The following GATA4 variants were observed in gnomAD, a reference collection of about 807,000 sequenced individuals.
GATA4 encodes GATA binding protein 4.
Under a neutral mutation model 37.9 loss-of-function variants are expected in GATA4, and 7 were observed. That is an observed-to-expected ratio of 0.18 (90% CI 0.11 to 0.35). The LOEUF (loss-of-function observed/expected upper bound fraction) is 0.35, where lower values mean the gene tolerates loss of function less well. Among genes scored for constraint, GATA4 ranks in the 10% least tolerant of loss-of-function variants. The pLI, the probability that GATA4 is intolerant of heterozygous loss-of-function variation, is 1.00. For missense variants in GATA4, 647 were observed against 653.0 expected (o/e 0.99, Z 0.10); for synonymous variants, 372 against 292.6 (o/e 1.27, Z -2.77).
chr8:11,681,614 G>T, intron 1 of GATA4: 1 of 319,770 alleles, frequency 3.1e-6, no homozygotes, highest in Non-Finnish European at 4.5e-6. Flanking sequence ...TTTATTTATT[G>T]GTTTACTATT....
chr8:11,736,663 T>C (rs977739608), intron 2 of GATA4, among the ~76,000 whole-genome samples: 4 of 152,222 alleles, frequency 2.6e-5, no homozygotes, highest in Non-Finnish European at 4.4e-5. Context: ...ACCCAGTCAA[T>C]TGCATTCCTC....
chr8:11,690,295 C>A (rs1799270161), upstream of GATA4, among the ~76,000 whole-genome samples: 1 of 152,214 alleles, frequency 6.6e-6, no homozygotes, highest in Non-Finnish European at 1.5e-5. Flanking sequence ...GGGATTTACA[C>A]TGTAATAGGA....
intron 2 of GATA4, among the ~76,000 whole-genome samples, chr8:11,733,530 A>G (rs904211094): frequency 6.6e-6 from 1 of 152,230 alleles, no homozygotes; most frequent in Admixed American, 6.5e-5. Flanking sequence ...GCATAAAAAG[A>G]TTGGCATTAG....
rs966483974 is a variant in GATA4 at position 11,759,911 on chromosome 8, C to T, written c.*1436C>T. On this transcript the variant is annotated 3_prime_UTR_variant, in exon 7 of 7. Transcript: ENST00000532059. ...TCTTCCAAAGGCCCCCTCGTATACC[C>T]TCCCTAACCCACAAACCTGTTAACA... is the stretch of plus-strand genomic sequence containing the variant. 6.6e-6 allele frequency: 1 copy of T among 152,670 alleles called. No individual in the cohort carries two copies. The highest frequency in any genetic ancestry group is 2.4e-5 in the African/African-American group (1 of 41,464). 9.5% of individuals were successfully genotyped at this position (152,670 alleles called of 1,614,324 possible). A position where few individuals can be genotyped will look rare whatever the true frequency, so the allele number is the denominator to read the frequency against.
intron 1 of GATA4, among the ~76,000 whole-genome samples, chr8:11,699,043 C>T (rs980517777): frequency 2.0e-5 from 3 of 152,154 alleles, no homozygotes; most frequent in Non-Finnish European, 4.4e-5. Context: ...TATTAACAGC[C>T]CTTTTTAAAA....
rs146044554 is a variant in GATA4 at position 11,736,211 on chromosome 8, A to C, written c.617-12705A>C. Among the ~76,000 whole-genome samples, 258 of 152,304 alleles carry C rather than the reference A, an allele frequency of 1.7e-3. 1 individual carries two copies. The highest frequency in any genetic ancestry group is 5.6e-3 in the African/African-American group (232 of 41,576). On this transcript the variant is annotated intron_variant, in intron 2 of 6. Coordinates refer to ENST00000532059, the MANE Select transcript of GATA4 (RefSeq NM_001308093.3). ...AGAGCCACCATGCCTGGCCTGTTTG[A>C]ATTTTTGTAGCAATTAAAAATTGCG...
At chr8:11,692,062 C>T, upstream of GATA4, 3 of 985,140 alleles carry the variant, frequency 3.0e-6, no homozygotes, top group Non-Finnish European at 3.6e-6. Flanking sequence ...ACAGAGGTGG[C>T]CGTGGGTGCT....
chr8:11,697,979 C>T (rs1799556182), intron 1 of GATA4: 4 of 985,372 alleles, frequency 4.1e-6, no homozygotes, highest in African/African-American at 1.7e-5. Context: ...GGTGTCCCTA[C>T]CATAACCACT....
chr8:11,729,049 A>G (rs1416296246), intron 2 of GATA4, among the ~76,000 whole-genome samples: 2 of 151,992 alleles, frequency 1.3e-5, no homozygotes, highest in East Asian at 1.9e-4. Context: ...CCGGGCCAAC[A>G]TGGTGAAACC....
intron 2 of GATA4, among the ~76,000 whole-genome samples, chr8:11,717,648 G>A (rs73537875): frequency 0.017 from 2,546 of 152,260 alleles, 67 homozygotes; most frequent in African/African-American, 0.058. Flanking sequence ...TGATTGAAGG[G>A]CTCTATTAAA....
At position 11,754,975 on chromosome 8, in the gene GATA4, G is replaced by A. The variant is rs112152698; in HGVS notation, c.913-71G>A. 218 of 1,214,890 alleles carry A rather than the reference G, an allele frequency of 1.8e-4. 1 individual carries two copies. The African/African-American group carries it at 2.6e-3, about 14-fold the overall frequency. 75.3% of individuals were successfully genotyped at this position (1,214,890 alleles called of 1,614,324 possible). A position where few individuals can be genotyped will look rare whatever the true frequency, so the allele number is the denominator to read the frequency against. On this transcript the variant is annotated intron_variant, in intron 4 of 6. Transcript: ENST00000532059. ...TAGGTGTTGCCTTCTCGCAGCAGGTGTGTGTCTTTCAATGCTGTAGCAGAC... is the reference window on the plus strand; with the variant it reads ...TAGGTGTTGCCTTCTCGCAGCAGGTATGTGTCTTTCAATGCTGTAGCAGAC...
rs1488391811 is a variant in GATA4 at position 11,681,136 on chromosome 8, AG to A, written c.-274+4076del. On this transcript the variant is annotated intron_variant, in intron 1 of 6. Transcript: ENST00000528712. ...GTTCGTGGTCCGGAAAACCGAGCCCAGGGAATCTCCAGCTCCGTTCTGTTCG... is the reference window on the plus strand; with the variant it reads ...GTTCGTGGTCCGGAAAACCGAGCCCAGGAATCTCCAGCTCCGTTCTGTTCG... 3.5e-5 allele frequency: 34 copies of A among 985,296 alleles called. No individual in the cohort carries two copies. The Middle Eastern group carries it at 1.6e-3, about 46-fold the overall frequency. 61.0% of individuals were successfully genotyped at this position (985,296 alleles called of 1,614,324 possible). A position where few individuals can be genotyped will look rare whatever the true frequency, so the allele number is the denominator to read the frequency against.
upstream of GATA4, among the ~76,000 whole-genome samples, chr8:11,701,088 T>C (rs776128524): frequency 1.3e-5 from 2 of 152,174 alleles, no homozygotes; most frequent in Non-Finnish European, 2.9e-5. Context: ...TTCTGGGGTA[T>C]GGACCAGCTC....
chr8:11,701,248 A>G (rs1799666861), upstream of GATA4, among the ~76,000 whole-genome samples: 1 of 67,588 alleles, frequency 1.5e-5, no homozygotes. Flanking sequence ...TTCTTAGAAA[A>G]AAAAAAAAAA....
rs775593005 is a variant in GATA4 at position 11,748,896 on chromosome 8, G to C, written c.617-20G>C. ...GAATTAATCCTCTGTGTCTTTTCTT[G>C]TCTGTTCCCCCCAACTCAGTAGATA... is the stretch of plus-strand genomic sequence containing the variant. On this transcript the variant is annotated intron_variant, in intron 2 of 6. Coordinates refer to ENST00000532059, the MANE Select transcript of GATA4 (RefSeq NM_001308093.3). The C allele has an allele frequency of 1.2e-6, 2 of 1,614,100 alleles. No individual in the cohort carries two copies. Among genetic ancestry groups the C allele is most frequent in the Non-Finnish European group, 1.7e-6 (2 of 1,179,892 alleles).
rs757198569 is a variant in GATA4, at chr8:11,758,487, C to G, written c.*12C>G. On this transcript the variant is annotated 3_prime_UTR_variant, in exon 7 of 7. Transcript: ENST00000532059. The stretch of plus-strand genomic sequence containing the variant: ...TAATCACTGCGTAATCTTCCCTCTT[C>G]CCTCCTCAAATTCCTGCACGGACCT... 3 of 1,613,898 alleles carry G rather than the reference C, an allele frequency of 1.9e-6. No homozygotes were observed. Among genetic ancestry groups the G allele is most frequent in the African/African-American group, 2.7e-5 (2 of 74,936 alleles).
At chr8:11,711,123 C>T (rs1435762708) in intron 2 of GATA4, among the ~76,000 whole-genome samples, 4 of 152,122 alleles carry the variant, frequency 2.6e-5, no homozygotes. Flanking sequence ...AACAAAAAAC[C>T]GAAATACCAT....
chr8:11,706,856 C>T (rs1799909549), intron 1 of GATA4, among the ~76,000 whole-genome samples: 1 of 152,094 alleles, frequency 6.6e-6, no homozygotes, highest in African/African-American at 2.4e-5. Context: ...GACACCTGTA[C>T]TTAGTAGAGT....
At position 11,709,029 on chromosome 8, in the gene GATA4, G is replaced by T; in HGVS notation, c.616+101G>T. 8.2e-7 allele frequency: 1 copy of T among 1,215,596 alleles called. No individual in the cohort carries two copies. The highest frequency in any genetic ancestry group is 1.6e-5 in the South Asian group (1 of 62,012). 75.3% of individuals were successfully genotyped at this position (1,215,596 alleles called of 1,614,324 possible). ...GTTTTTCCACCAACGCCTTCGTTGG[G>T]CTGGGGATGGTGCTTCACTACCTCG... On this transcript the variant is annotated intron_variant, in intron 2 of 6. Transcript: ENST00000532059. This position sits in a 1 kb window ranked among gnomAD's most constrained non-coding sequence, Gnocchi z 4.3.
Sources: allele counts gnomAD v4.1 joint callset (sites outside exome capture counted in the v4.1 genomes callset), GRCh38; gene constraint gnomAD v4.1.1; non-coding constraint Gnocchi (gnomAD v3.1); transcripts MANE v1.5; gene names NCBI Gene and HGNC (gene_info 2026-07-23, HGNC 2026-07-21).